The following PTPN4 variants were observed in gnomAD, a reference collection of about 807,000 sequenced individuals.
PTPN4 encodes protein tyrosine phosphatase non-receptor type 4.
PTPN4 carries 49 observed loss-of-function variants against 135.5 expected under a neutral mutation model. That is an observed-to-expected ratio of 0.36 (90% CI 0.29 to 0.46). The LOEUF (loss-of-function observed/expected upper bound fraction) is 0.46, where lower values mean the gene tolerates loss of function less well. Among genes scored for constraint, PTPN4 ranks in the 20% least tolerant of loss-of-function variants. PTPN4 has a pLI of 1.00. For synonymous variants in PTPN4, 333 were observed against 369.9 expected, an observed-to-expected ratio of 0.90 and a Z score of 1.14; for missense variants, 860 against 1,101.0, an observed-to-expected ratio of 0.78 and a Z score of 3.10.
At chr2:119,906,957 C>T (rs943522122) in intron 10 of PTPN4, among the ~76,000 whole-genome samples, 7 of 152,116 alleles carry the variant, frequency 4.6e-5, no homozygotes, top group Non-Finnish European at 1.0e-4. Context: ...AAGTGAATTC[C>T]GTTAAGTTGC....
At chr2:119,936,133 G>C (rs2105040673) in intron 15 of PTPN4, among the ~76,000 whole-genome samples, 1 of 152,132 alleles carries the variant, frequency 6.6e-6, no homozygotes. Flanking sequence ...CTCCCGAGTA[G>C]CTGAGACTAC....
chr2:119,804,243 G>A (rs1330537027), intron 1 of PTPN4, among the ~76,000 whole-genome samples: 1 of 152,014 alleles, frequency 6.6e-6, no homozygotes, highest in Non-Finnish European at 1.5e-5. Flanking sequence ...CTCCTGAGTA[G>A]CTAGGACTAC....
intron 13 of PTPN4, among the ~76,000 whole-genome samples, chr2:119,927,361 C>T (rs887159425): frequency 6.6e-6 from 1 of 152,076 alleles, no homozygotes; most frequent in Non-Finnish European, 1.5e-5. Context: ...TCCCCCCCAC[C>T]TTGGCCTCCC....
chr2:119,965,360 TC>T, intron 24 of PTPN4, 136 bp from the exon 25 acceptor site: 1 of 818,884 alleles, frequency 1.2e-6, no homozygotes, highest in Non-Finnish European at 1.8e-6. Context: ...GACCTAGTGA[TC>T]AATGCTAAGT....
chr2:119,949,549 C>T (rs1237133507), intron 18 of PTPN4, among the ~76,000 whole-genome samples: 1 of 152,010 alleles, frequency 6.6e-6, no homozygotes, highest in Non-Finnish European at 1.5e-5. Flanking sequence ...CTCATTTTAA[C>T]GTAGTTTATT....
intron 1 of PTPN4, among the ~76,000 whole-genome samples, chr2:119,802,753 A>C (rs1273226996): frequency 6.6e-6 from 1 of 152,168 alleles, no homozygotes; most frequent in African/African-American, 2.4e-5. Flanking sequence ...ATCCTTTTCT[A>C]TTCTGCTTTC....
chr2:119,940,987 G>A (rs1679054122), intron 15 of PTPN4, among the ~76,000 whole-genome samples: 1 of 151,942 alleles, frequency 6.6e-6, no homozygotes, highest in African/African-American at 2.4e-5. Flanking sequence ...GAAAATTAAA[G>A]GTCTCTTTCT....
chr2:119,766,967 A>G (rs1452921617), intron 1 of PTPN4, among the ~76,000 whole-genome samples: 1 of 152,222 alleles, frequency 6.6e-6, no homozygotes, highest in East Asian at 1.9e-4. Context: ...ATTTTGCTAG[A>G]CAGCGAAGTT....
chr2:119,909,939 A>C (rs1009490655), intron 10 of PTPN4, among the ~76,000 whole-genome samples: 2 of 152,180 alleles, frequency 1.3e-5, no homozygotes, highest in Non-Finnish European at 2.9e-5. Flanking sequence ...TAAAACTTGA[A>C]TAGATGAGGA....
At chr2:119,906,076 C>G (rs1678483447) in intron 10 of PTPN4, among the ~76,000 whole-genome samples, 1 of 151,944 alleles carries the variant, frequency 6.6e-6, no homozygotes, top group African/African-American at 2.4e-5. Context: ...AAACCAAGCC[C>G]CAAATTTAGT....
intron 1 of PTPN4, among the ~76,000 whole-genome samples, chr2:119,768,598 C>T (rs548721038): frequency 6.6e-6 from 1 of 152,298 alleles, no homozygotes; most frequent in East Asian, 1.9e-4. Context: ...TTGTAAATCT[C>T]TTCTCCAGCA....
intron 1 of PTPN4, among the ~76,000 whole-genome samples, chr2:119,794,576 G>A (rs370392435): frequency 1.3e-5 from 2 of 152,208 alleles, no homozygotes; most frequent in Admixed American, 6.5e-5. Flanking sequence ...TGGGGAATGC[G>A]GTGTGGCACC....
chr2:119,841,004 A>G (rs1677372544), intron 2 of PTPN4, among the ~76,000 whole-genome samples: 1 of 152,126 alleles, frequency 6.6e-6, no homozygotes, highest in African/African-American at 2.4e-5. Context: ...GATTGCAGAA[A>G]TATTCTCCCA....
At chr2:119,871,137 G>T (rs530130281) in intron 3 of PTPN4, among the ~76,000 whole-genome samples, 2 of 149,214 alleles carry the variant, frequency 1.3e-5, no homozygotes, top group East Asian at 3.9e-4. Context: ...GTTAATCAGA[G>T]AGATGCCAAT....
In PTPN4 at chr2:119,962,025, T is replaced by G. The variant is rs373652719; in HGVS notation, c.2281-591T>G. Among the ~76,000 whole-genome samples the G allele has an allele frequency of 7.2e-5, 11 of 152,346 alleles. No individual in the cohort carries two copies. In the East Asian group the frequency reaches 1.9e-3, roughly 27 times the overall value. On this transcript the variant is annotated intron_variant, in intron 23 of 26. Coordinates refer to ENST00000263708, the MANE Select transcript of PTPN4 (RefSeq NM_002830.4). ...ATATACTGAAAACTATTGTATACAT[T>G]AAACGAGTGAACGGTATGGTACATG...
At chr2:119,886,824 T>C (rs1678160548) in intron 9 of PTPN4, among the ~76,000 whole-genome samples, 1 of 152,226 alleles carries the variant, frequency 6.6e-6, no homozygotes, top group South Asian at 2.1e-4. Flanking sequence ...GGAACATTAG[T>C]TCTTATGTTT....
chr2:119,804,322 C>T (rs1466174699), intron 1 of PTPN4, among the ~76,000 whole-genome samples: 1 of 151,938 alleles, frequency 6.6e-6, no homozygotes, highest in Non-Finnish European at 1.5e-5. Flanking sequence ...GGTACATGTG[C>T]ACAACGTGCA....
At chr2:119,882,744 ATAT>A (rs1678098658) in intron 8 of PTPN4, 121 bp downstream of exon 8, 1 of 849,802 alleles carries the variant, frequency 1.2e-6, no homozygotes, top group Non-Finnish European at 1.7e-6. Flanking sequence ...ACCTAAAATA[ATAT>A]TATCATAAAG....
chr2:119,967,500 G>A (rs918022965), intron 25 of PTPN4, among the ~76,000 whole-genome samples: 3 of 151,644 alleles, frequency 2.0e-5, no homozygotes, highest in Non-Finnish European at 4.4e-5. Context: ...TTGTGCATTC[G>A]TTGATGGTTT....
Sources: gnomAD v4.1 joint callset for allele counts (sites outside exome capture counted in the v4.1 genomes callset) on GRCh38, gnomAD v4.1.1 for gene constraint, MANE v1.5 for transcripts, NCBI Gene and HGNC (gene_info 2026-07-23, HGNC 2026-07-21) for gene names.